RFC1: variants seen among roughly 807,000 people sequenced by gnomAD.
RFC1 encodes the protein A1 140 kDa subunit.
A neutral mutation model predicts 137.4 loss-of-function variants in RFC1; 37 were observed. The observed-to-expected ratio is 0.27, with a 90% CI of 0.21 to 0.35. RFC1 has a LOEUF of 0.35. Ranked by LOEUF, RFC1 falls within the 10% of genes least tolerant of loss-of-function variation. The pLI, the probability that RFC1 is intolerant of heterozygous loss-of-function variation, is 1.00. For missense variants in RFC1, 1,205 were observed against 1,358.5 expected (o/e 0.89, Z 1.78); for synonymous variants, 429 against 455.7 (o/e 0.94, Z 0.75).
intron 1 of RFC1, among the ~76,000 whole-genome samples, chr4:39,362,415 G>A (rs1329594665): frequency 6.6e-6 from 1 of 152,208 alleles, no homozygotes; most frequent in Non-Finnish European, 1.5e-5. Context: ...CGGTAACACA[G>A]TGTGTTGCTG....
At chr4:39,292,661 G>A (rs1737749393) in intron 22 of RFC1, among the ~76,000 whole-genome samples, 1 of 140,006 alleles carries the variant, frequency 7.1e-6, no homozygotes, top group African/African-American at 2.9e-5. Flanking sequence ...TTTATTTAAA[G>A]ACGAAGCCTC....
intron 2 of RFC1, among the ~76,000 whole-genome samples, chr4:39,351,009 G>A (rs1741155989): frequency 6.6e-6 from 1 of 152,082 alleles, no homozygotes; most frequent in Non-Finnish European, 1.5e-5. Context: ...TCAGCACTTT[G>A]GGAGGCCAAG....
intron 19 of RFC1, among the ~76,000 whole-genome samples, chr4:39,300,729 T>C (rs1488132448): frequency 1.3e-5 from 2 of 152,088 alleles, no homozygotes; most frequent in Non-Finnish European, 2.9e-5. Context: ...AAATAAACAA[T>C]TTAACTGTGG....
At position 39,295,622 on chromosome 4, in the gene RFC1, C is replaced by T. The variant is rs988390344; in HGVS notation, c.2946G>A (p.Met982Ile). The T allele has an allele frequency of 1.2e-6, 2 of 1,607,718 alleles. No homozygotes were observed. The highest frequency in any genetic ancestry group is 2.2e-5 in the South Asian group (2 of 89,708). The change falls in exon 22 of 25, where the codon ATG (methionine) becomes ATA (isoleucine). Residue 982 changes from methionine to isoleucine, a missense_variant. Met to Ile is a conservative substitution (Grantham distance 10). Transcript: ENST00000349703. ...AGAGTAATCCCACCTACCTGAGACT[C>T]ATATGCAAGGCCAGGTCCTGAACAA... ...DRIVQDLALH[M>I]SLRTYSSKRT...
chr4:39,294,044 A>G (rs1737841271), intron 22 of RFC1, among the ~76,000 whole-genome samples: 1 of 152,204 alleles, frequency 6.6e-6, no homozygotes, highest in South Asian at 2.1e-4. Context: ...TGATAACTGC[A>G]CAGATAATCC....
At chr4:39,343,036 T>G (rs1740681425) in intron 3 of RFC1, among the ~76,000 whole-genome samples, 1 of 152,192 alleles carries the variant, frequency 6.6e-6, no homozygotes, top group South Asian at 2.1e-4. Flanking sequence ...TCCCTATTTT[T>G]TTTTCTTTTT....
intron 4 of RFC1, among the ~76,000 whole-genome samples, chr4:39,336,671 C>T (rs994199259): frequency 6.6e-6 from 1 of 152,232 alleles, no homozygotes; most frequent in Non-Finnish European, 1.5e-5. Flanking sequence ...CGTAGCATCC[C>T]CTAGTTGTGA....
In RFC1 at chr4:39,351,483, G is replaced by A; in HGVS notation, c.4-7C>T. The A allele has an allele frequency of 1.3e-6, 2 of 1,534,668 alleles. No homozygotes were observed. Among genetic ancestry groups the A allele is most frequent in the Admixed American group, 2.4e-5 (1 of 41,122 alleles). ...CAAAGAATTTCCGAATGTCCTAAAA[G>A]CAAAAAACAGGAGATTCACGAATAA... On this transcript the variant is annotated splice_region_variant and splice_polypyrimidine_tract_variant and intron_variant, in intron 1 of 24. Coordinates refer to ENST00000349703, the MANE Select transcript of RFC1 (RefSeq NM_002913.5).
In RFC1 at chr4:39,302,865, C is replaced by T. The variant is rs1380486322; in HGVS notation, c.2212G>A (p.Gly738Ser). ...EDRGGIQELI[G>S]LIKHTKIPII... ...GGAATTTTAGTATGTTTTATCAGGC[C>T]AATTAATTCCTGAAAGGCAAGTTTG... Residue 738 changes from glycine (G) to serine (S), a missense_variant, in exon 17 of 25, where the codon GGC (glycine) becomes AGC (serine). Around this residue, in one of 3 missense-constraint regions of RFC1, gnomAD observed 962 missense variants for 1,035.3 expected, o/e 0.93. Transcript: ENST00000349703. 6.3e-7 allele frequency: 1 copy of T among 1,577,198 alleles called. No individual in the cohort carries two copies. Among genetic ancestry groups the T allele is most frequent in the East Asian group, 2.2e-5 (1 of 44,630 alleles).
chr4:39,293,740 C>A (rs1262515545), intron 22 of RFC1, among the ~76,000 whole-genome samples: 5 of 152,012 alleles, frequency 3.3e-5, no homozygotes, highest in Non-Finnish European at 7.4e-5. Context: ...ATAAAACAAC[C>A]CGGAAGTCCA....
intron 1 of RFC1, among the ~76,000 whole-genome samples, 186 bp from the exon 2 acceptor site, chr4:39,351,662 A>G (rs1199173586): frequency 5.9e-5 from 9 of 152,112 alleles, no homozygotes; most frequent in African/African-American, 2.2e-4. Context: ...ACTTTACCTG[A>G]GTTAAGAATA....
At chr4:39,330,519 A>G (rs568683416) in intron 4 of RFC1, among the ~76,000 whole-genome samples, 151 of 152,260 alleles carry the variant, frequency 9.9e-4, no homozygotes, top group African/African-American at 3.5e-3. Flanking sequence ...TATCCATTAG[A>G]TGGCTCCACA....
intron 11 of RFC1, among the ~76,000 whole-genome samples, chr4:39,311,896 T>C (rs114881100): frequency 9.6e-4 from 147 of 152,338 alleles, no homozygotes; most frequent in African/African-American, 3.4e-3. Context: ...TTAATGCATA[T>C]GGCAGACATT....
chr4:39,307,819 A>T (rs949005714), intron 13 of RFC1, among the ~76,000 whole-genome samples: 1 of 152,198 alleles, frequency 6.6e-6, no homozygotes, highest in Non-Finnish European at 1.5e-5. Flanking sequence ...GAATGAAAAA[A>T]GTGATTTAAC....
intron 2 of RFC1, among the ~76,000 whole-genome samples, chr4:39,347,932 G>T (rs1318261536): frequency 6.6e-6 from 1 of 152,178 alleles, no homozygotes; most frequent in Admixed American, 6.5e-5. Context: ...GTGAAAGATG[G>T]AACCTGTGAA....
chr4:39,351,282 A>ATTAC, intron 2 of RFC1, 66 bp downstream of exon 2: 2 of 535,058 alleles, frequency 3.7e-6, no homozygotes, highest in Non-Finnish European at 5.4e-6. Flanking sequence ...AAAAAAAAAA[A>ATTAC]AAACTTATAA....
rs17335243 is a variant in RFC1 at position 39,306,552 on chromosome 4, C to T, written c.1995+40G>A. 9.7e-3 allele frequency: 10,772 copies of T among 1,113,610 alleles called. 87 individuals carry two copies. Among genetic ancestry groups the T allele is most frequent in the Non-Finnish European group, 0.012 (8,466 of 725,210 alleles). The allele number at this position is 1,113,610 out of a possible 1,614,324, so 69.0% of individuals were successfully genotyped here. ...CTTTTATCTCCTAGCCATGACCACT[C>T]GAGGTTATCTGTCCGACCACACTGT... is the stretch of plus-strand genomic sequence containing the variant. On this transcript the variant is annotated intron_variant, in intron 14 of 24. Transcript: ENST00000349703.
chr4:39,300,622 A>G (rs569834163), intron 19 of RFC1, among the ~76,000 whole-genome samples: 1 of 152,332 alleles, frequency 6.6e-6, no homozygotes, highest in African/African-American at 2.4e-5. Context: ...ACCCAAATGA[A>G]ACTATGTTCA....
At chr4:39,336,385 C>A (rs1740351928) in intron 4 of RFC1, among the ~76,000 whole-genome samples, 1 of 152,194 alleles carries the variant, frequency 6.6e-6, no homozygotes, top group African/African-American at 2.4e-5. Context: ...ACATCATGAA[C>A]TGGTCAGGAG....
Sources: allele counts gnomAD v4.1 joint callset (sites outside exome capture counted in the v4.1 genomes callset), GRCh38; gene constraint gnomAD v4.1.1; regional missense constraint gnomAD v4.1.1; transcripts MANE v1.5; gene names NCBI Gene and HGNC (gene_info 2026-07-23, HGNC 2026-07-21).